KMT2A: variants seen among roughly 807,000 people sequenced by gnomAD.
KMT2A encodes lysine methyltransferase 2A.
KMT2A carries 16 observed loss-of-function variants against 345.3 expected under a neutral mutation model. The ratio of observed to expected loss-of-function variants is 0.05; its 90% CI spans 0.03 to 0.07. KMT2A has a LOEUF of 0.07. KMT2A is among the 10% of genes least tolerant of loss of function. The pLI is 1.00. For synonymous variants in KMT2A, 1,599 were observed against 1,778.6 expected, an observed-to-expected ratio of 0.90 and a Z score of 2.54; for missense variants, 3,272 against 4,841.6, an observed-to-expected ratio of 0.68 and a Z score of 9.62.
At chr11:118,508,317 T>C (rs1420807043) in intron 28 of KMT2A, among the ~76,000 whole-genome samples, 2 of 152,250 alleles carry the variant, frequency 1.3e-5, no homozygotes, top group African/African-American at 4.8e-5. Context: ...TCTGTGCCAA[T>C]ATATGTAGGT....
In KMT2A at chr11:118,491,308, A is replaced by C; in HGVS notation, c.4809A>C (p.Ser1603=). 1 of 1,613,456 alleles carries C rather than the reference A, an allele frequency of 6.2e-7. No homozygotes were observed. Among genetic ancestry groups the C allele is most frequent in the Non-Finnish European group, 8.5e-7 (1 of 1,179,720 alleles). Residue 1603 remains serine, a synonymous_variant, in exon 14 of 36, where the codon TCA becomes TCC. Transcript: ENST00000534358. This position sits in a 1 kb window ranked among gnomAD's most constrained non-coding sequence, Gnocchi z 4.2. ...TCCATTCCAAATGTGAGAATCTTTC[A>C]GGTACAGAAGGTTGGAGTCTTTTTA... ...RWVHSKCENL[S]GTEDEMYEIL... is the part of the protein sequence containing the mutation.
chr11:118,513,950 AAAAAAAAAGAAAAAG>A (rs1277515399), intron 31 of KMT2A, among the ~76,000 whole-genome samples: 1 of 151,264 alleles, frequency 6.6e-6, no homozygotes, highest in Non-Finnish European at 1.5e-5. Context: ...AAAAAAAAAA[AAAAAAAAAGAAAAAG>A]AAAAAAAAGT....
intron 1 of KMT2A, among the ~76,000 whole-genome samples, chr11:118,468,219 C>T (rs1382751489): frequency 6.6e-6 from 1 of 152,114 alleles, no homozygotes; most frequent in Non-Finnish European, 1.5e-5. Flanking sequence ...CCATAAAATG[C>T]ATGTTGAGAC....
chr11:118,495,164 ATTT>A lies in KMT2A; in HGVS notation c.5363+408_5363+410del, dbSNP rs1204776106. Reference sequence around the variant, plus strand: ...TTGATTTGATTTTATTTATTTATTTATTTTTTTTTTTTTGAGACGGAGTCTCGT... The same window carrying A: ...TTGATTTGATTTTATTTATTTATTTATTTTTTTTTTGAGACGGAGTCTCGT... On this transcript the variant is annotated intron_variant, in intron 18 of 35. Transcript: ENST00000534358. This position sits in a 1 kb window ranked among gnomAD's most constrained non-coding sequence, Gnocchi z 4.1. Among the ~76,000 whole-genome samples, 1 of 141,008 alleles carries A rather than the reference ATTT, an allele frequency of 7.1e-6. No individual in the cohort carries two copies. Among genetic ancestry groups the A allele is most frequent in the Non-Finnish European group, 1.5e-5 (1 of 64,840 alleles). The allele number at this position is 141,008 out of a possible 152,430, so 92.5% of individuals were successfully genotyped here.
chr11:118,512,402 G>A (rs782269172), intron 31 of KMT2A: 23 of 209,470 alleles, frequency 1.1e-4, no homozygotes, highest in South Asian at 4.2e-4. Context: ...TTTTGTGACC[G>A]TCTTCTTTCA....
rs34206138 is a variant in KMT2A, at chr11:118,451,480, TG to T, written c.432+14539del. On this transcript the variant is annotated intron_variant, in intron 1 of 35. Transcript: ENST00000534358. The stretch of plus-strand genomic sequence containing the variant: ...TCGGCTCATTGCAACCTCCACCTCC[TG>T]GGCTCAAGTGATTCTCGTGCCTCAG... Among the ~76,000 whole-genome samples the T allele has an allele frequency of 2.0e-5, 3 of 152,246 alleles. 1 individual carries two copies. The South Asian group carries it at 6.2e-4, about 32-fold the overall frequency.
chr11:118,520,739 G>A lies in KMT2A; in HGVS notation c.11430-63G>A, dbSNP rs1303859533. On this transcript the variant is annotated intron_variant, in intron 33 of 35. Transcript: ENST00000534358. This position sits in a 1 kb window ranked among gnomAD's most constrained non-coding sequence, Gnocchi z 4.3. ...GTACTAATTGTCTCTAGGAACCTTC[G>A]ATTCAAGACTCAAAACATTATTTCC... 7.4e-6 allele frequency: 9 copies of A among 1,218,776 alleles called. No homozygotes were observed. The highest frequency in any genetic ancestry group is 1.9e-4 in the Middle Eastern group (1 of 5,342). The allele number at this position is 1,218,776 out of a possible 1,614,324, so 75.5% of individuals were successfully genotyped here.
rs1950913668 is a variant in KMT2A at position 118,519,640 on chromosome 11, G to A, written c.11169G>A (p.Leu3723=). 1.2e-6 allele frequency: 2 copies of A among 1,613,534 alleles called. No homozygotes were observed. Among genetic ancestry groups the A allele is most frequent in the Non-Finnish European group, 1.7e-6 (2 of 1,179,448 alleles). Residue 3723 remains leucine, a synonymous_variant, in exon 32 of 36, where the codon CTG becomes CTA. Coordinates refer to ENST00000534358, the MANE Select transcript of KMT2A (RefSeq NM_001197104.2). The part of the protein sequence containing the change: ...SFAGVNGLRM[L]GILHDAVVFL... ...TAGGTGTTAACGGTTTGAGGATGCT[G>A]GGGATTCTCCATGATGCAGTTGTGT...
Position 118,499,372 on chromosome 11 carries a change from A to G in KMT2A, c.6031A>G (p.Arg2011Gly), listed in dbSNP as rs781919638. The change falls in exon 23 of 36, where the codon AGG (arginine) becomes GGG (glycine). Residue 2011 changes from arginine (R) to glycine (G), a missense_variant. Around this residue, in one of 27 missense-constraint regions of KMT2A, gnomAD observed 235 missense variants for 503.4 expected, o/e 0.47. Transcript: ENST00000534358. ...GGACTTTGAAGGAATCAGCTTGAGA[A>G]GGAAGTTTCTCAATGGCTTGGAACC... ...FVDFEGISLR[R>G]KFLNGLEPEN... 6.2e-7 allele frequency: 1 copy of G among 1,613,912 alleles called. No individual in the cohort carries two copies. The highest frequency in any genetic ancestry group is 1.7e-5 in the Admixed American group (1 of 60,028).
At chr11:118,441,806 GA>G (rs1949319547) in intron 1 of KMT2A, among the ~76,000 whole-genome samples, 1 of 152,142 alleles carries the variant, frequency 6.6e-6, no homozygotes, top group Non-Finnish European at 1.5e-5. Flanking sequence ...CATACTCCTG[GA>G]GGAAATCATC....
chr11:118,520,149 A>G lies in KMT2A; in HGVS notation c.11429+85A>G, dbSNP rs1950926728. The G allele has an allele frequency of 1.1e-6, 1 of 878,904 alleles. No homozygotes were observed. Among genetic ancestry groups the G allele is most frequent in the Non-Finnish European group, 1.8e-6 (1 of 555,314 alleles). The allele number at this position is 878,904 out of a possible 1,614,324, so 54.4% of individuals were successfully genotyped here. A position where few individuals can be genotyped will look rare whatever the true frequency, so the allele number is the denominator to read the frequency against. On this transcript the variant is annotated intron_variant, in intron 33 of 35. Transcript: ENST00000534358. This position sits in a 1 kb window ranked among gnomAD's most constrained non-coding sequence, Gnocchi z 4.3. Reference sequence around the variant, plus strand: ...GGGCACTACGTAGGAATTTGTTTGCATCAGAATTTCCTGGATAAGATTTAA... The same window carrying G: ...GGGCACTACGTAGGAATTTGTTTGCGTCAGAATTTCCTGGATAAGATTTAA...
Position 118,504,524 on chromosome 11 carries a change from C to T in KMT2A, c.8632C>T (p.Leu2878=), listed in dbSNP as rs150502030. Residue 2878 remains leucine, a synonymous_variant, in exon 27 of 36, where the codon CTG becomes TTG. Coordinates refer to ENST00000534358, the MANE Select transcript of KMT2A (RefSeq NM_001197104.2). The surrounding 1 kb of genome is among the most constrained non-coding windows in gnomAD (Gnocchi z 6.4). ...CCCAGAGTCATCTTCATCAGAACTC[C>T]TGAATCTTGGTGAAGGATTGGGTCT... is the stretch of plus-strand genomic sequence containing the variant. ...ESPESSSSEL[L]NLGEGLGLDS... is the part of the protein sequence containing the mutation. 2.7e-4 allele frequency: 436 copies of T among 1,614,202 alleles called. No individual in the cohort carries two copies. Among genetic ancestry groups the T allele is most frequent in the Middle Eastern group, 9.9e-4 (6 of 6,062 alleles).
chr11:118,478,996 T>C (rs1171461806), intron 5 of KMT2A, among the ~76,000 whole-genome samples: 1 of 152,240 alleles, frequency 6.6e-6, no homozygotes, highest in Non-Finnish European at 1.5e-5. Flanking sequence ...ATATTTATGG[T>C]ATACATAAGA....
chr11:118,471,912 T>G lies in KMT2A; in HGVS notation c.753T>G (p.Asp251Glu). The G allele has an allele frequency of 3.1e-6, 5 of 1,613,708 alleles. No homozygotes were observed. Among genetic ancestry groups the G allele is most frequent in the Non-Finnish European group, 4.2e-6 (5 of 1,179,926 alleles). The change falls in exon 3 of 36, where the codon GAT becomes GAG. Residue 251 changes from aspartate to glutamate, a missense_variant. By Grantham distance (45) the Asp-to-Glu change is conservative. Coordinates refer to ENST00000534358, the MANE Select transcript of KMT2A (RefSeq NM_001197104.2). ...AGTTACCAAAGGGAAACAAAGAAGA[T>G]AGCCTGAAAAAAATTAAAAGGACAC... is the stretch of plus-strand genomic sequence containing the variant. Reference protein sequence around the residue: ...ISELPKGNKEDSLKKIKRTPS... With the variant: ...ISELPKGNKEESLKKIKRTPS...
chr11:118,450,542 A>G (rs1259911726), intron 1 of KMT2A: 2 of 152,170 alleles, frequency 1.3e-5, no homozygotes, highest in African/African-American at 4.8e-5. Context: ...TAAATATTTG[A>G]AAACTGGACT....
intron 1 of KMT2A, among the ~76,000 whole-genome samples, chr11:118,451,092 T>C (rs2134198469): frequency 6.6e-6 from 1 of 152,234 alleles, no homozygotes; most frequent in Non-Finnish European, 1.5e-5. Flanking sequence ...GAAATAGAAA[T>C]TGAAAAATCG....
At chr11:118,437,578 G>T (rs1278996987) in intron 1 of KMT2A, among the ~76,000 whole-genome samples, 2 of 11,952 alleles carry the variant, frequency 1.7e-4, no homozygotes, top group Non-Finnish European at 3.2e-4. Flanking sequence ...CCCCCATCCC[G>T]CCCTACCCCA....
In KMT2A at chr11:118,501,661, T is replaced by G; in HGVS notation, c.6320-11T>G. On this transcript the variant is annotated splice_polypyrimidine_tract_variant and intron_variant, in intron 25 of 35. Transcript: ENST00000534358. ...GCCTTTTTAGTTAAGAGTTTTTATT[T>G]CCTGCCACAGAAAGTTCATCAAAAG... is the stretch of plus-strand genomic sequence containing the variant. 2 of 1,597,564 alleles carry G rather than the reference T, an allele frequency of 1.3e-6. No individual in the cohort carries two copies. The highest frequency in any genetic ancestry group is 1.7e-6 in the Non-Finnish European group (2 of 1,174,336).
rs371299248 is a variant in KMT2A at position 118,491,251 on chromosome 11, G to A, written c.4752G>A (p.Lys1584=). The change falls in exon 14 of 36, where the codon AAG becomes AAA. Residue 1584 remains lysine (K), a synonymous_variant. Coordinates refer to ENST00000534358, the MANE Select transcript of KMT2A (RefSeq NM_001197104.2). This position sits in a 1 kb window ranked among gnomAD's most constrained non-coding sequence, Gnocchi z 4.2. ...ATGATGATGATGACTATGAGAGTAA[G>A]ATGATGCAATGTGGAAAGTGTGATC... The part of the protein sequence containing the change: ...KCYDDDDYES[K]MMQCGKCDRW... 1.9e-6 allele frequency: 3 copies of A among 1,613,914 alleles called. No individual in the cohort carries two copies. In the African/African-American group the frequency reaches 4.0e-5, roughly 22 times the overall value.
Sources: allele counts gnomAD v4.1 joint callset (sites outside exome capture counted in the v4.1 genomes callset), GRCh38; gene constraint gnomAD v4.1.1; regional missense constraint gnomAD v4.1.1; non-coding constraint Gnocchi (gnomAD v3.1); transcripts MANE v1.5; gene names NCBI Gene and HGNC (gene_info 2026-07-23, HGNC 2026-07-21).